Variants in UNKL observed in about 807,000 individuals in gnomAD.
UNKL encodes putative E3 ubiquitin-protein ligase UNKL.
UNKL carries 60 observed loss-of-function variants against 78.0 expected under a neutral mutation model. That is an observed-to-expected ratio of 0.77 (90% confidence interval 0.63 to 0.95). The LOEUF is 0.95. Ranked by LOEUF, UNKL falls within the 40% of genes least tolerant of loss-of-function variation. The probability of loss-of-function intolerance (pLI) is 0.00; values close to 1 mark genes in which losing one functional copy is unlikely to be tolerated. For missense variants in UNKL, 1,159 were observed against 1,045.7 expected, an observed-to-expected ratio of 1.11 and a Z score of -1.49; for synonymous variants, 608 against 474.8, an observed-to-expected ratio of 1.28 and a Z score of -3.65.
chr16:1,398,681 A>AGGCC, intron 5 of UNKL: 16 of 693,660 alleles, frequency 2.3e-5, no homozygotes, highest in Non-Finnish European at 2.9e-5. Context: ...TGGGGTCTGC[A>AGGCC]CCCCCCCACC....
chr16:1,388,068 TC>T (rs1364209555), intron 9 of UNKL, among the ~76,000 whole-genome samples: 1 of 151,924 alleles, frequency 6.6e-6, no homozygotes, highest in Admixed American at 6.5e-5. Context: ...AGAGGCCACC[TC>T]CCATGTAAGG....
intron 9 of UNKL, among the ~76,000 whole-genome samples, chr16:1,386,478 C>T (rs1488282141): frequency 2.0e-5 from 3 of 152,028 alleles, no homozygotes; most frequent in Admixed American, 6.6e-5. Context: ...TGCTTGAATC[C>T]GGGAGGCAGT....
intron 6 of UNKL, chr16:1,395,498 C>T (rs1419424598): frequency 3.1e-6 from 1 of 321,918 alleles, no homozygotes; most frequent in Middle Eastern, 1.2e-3. Context: ...GAGTATGGTC[C>T]CTTGGCAACT....
At chr16:1,375,353 G>A (rs950958958) in intron 10 of UNKL, among the ~76,000 whole-genome samples, 1 of 152,146 alleles carries the variant, frequency 6.6e-6, no homozygotes, top group African/African-American at 2.4e-5. Context: ...GACTCCAGAG[G>A]CCGCAAGGCA....
chr16:1,371,584 T>C lies in UNKL; in HGVS notation c.1292A>G (p.Asn431Ser). 2.0e-6 allele frequency: 3 copies of C among 1,536,172 alleles called. No homozygotes were observed. The highest frequency in any genetic ancestry group is 2.6e-6 in the Non-Finnish European group (3 of 1,146,898). The part of the protein sequence containing the change: ...LGSALDLHLS[N>S]VNIASLEKDL... ...CTTCTCTAGGGATGCAATATTCACA[T>C]TGCTAAGATGCAGGTCTAACGCAGA... Residue 431 changes from asparagine (N) to serine (S), a missense_variant, in exon 11 of 15, where the codon AAT becomes AGT. Physicochemically the swap from Asn to Ser is conservative, Grantham distance 46. Coordinates refer to ENST00000389221, the MANE Select transcript of UNKL (RefSeq NM_001372107.1).
chr16:1,366,910 G>GGCGGCTCCCAGGGAA, intron 14 of UNKL, among the ~76,000 whole-genome samples, 182 bp downstream of exon 14: 1 of 152,292 alleles, frequency 6.6e-6, no homozygotes, highest in African/African-American at 2.4e-5. Context: ...CTCCCAGGGA[G>GGCGGCTCCCAGGGAA]ACAGGCAAGG....
rs375920712 is a variant in UNKL at position 1,414,647 on chromosome 16, G to T, written c.45C>A (p.Ser15=). Residue 15 remains serine (S), a synonymous_variant, in exon 1 of 15, where the codon TCC becomes TCA. Transcript: ENST00000389221. ...GGGTCGGCTTCTCAGTCTGCGGGGG[G>T]GACCCGCTCAGCGCCGCTGCCGCCG... ...SKAAAAALSG[S]PPQTEKPTHY... The T allele has an allele frequency of 1.9e-4, 214 of 1,142,516 alleles. No individual in the cohort carries two copies. In the African/African-American group the frequency reaches 3.1e-3, roughly 17 times the overall value. 70.8% of individuals were successfully genotyped at this position (1,142,516 alleles called of 1,614,324 possible).
intron 9 of UNKL, among the ~76,000 whole-genome samples, chr16:1,390,306 C>G (rs1462165746): frequency 6.6e-6 from 1 of 152,154 alleles, no homozygotes; most frequent in Non-Finnish European, 1.5e-5. Flanking sequence ...TTGGAACGGC[C>G]CCATCTGCAT....
chr16:1,371,601 T>A lies in UNKL; in HGVS notation c.1275A>T (p.Leu425Phe). ...TATTCACATTGCTAAGATGCAGGTC[T>A]AACGCAGAACCTGTCAACAGAGCCC... ...STVEAVLGSALDLHLSNVNIA... is the reference protein window; with the variant it reads ...STVEAVLGSAFDLHLSNVNIA... The change falls in exon 11 of 15, where the codon TTA becomes TTT. Residue 425 changes from leucine (L) to phenylalanine (F), a missense_variant. Transcript: ENST00000389221. The A allele has an allele frequency of 1.3e-6, 2 of 1,536,156 alleles. No homozygotes were observed. The highest frequency in any genetic ancestry group is 1.7e-6 in the Non-Finnish European group (2 of 1,146,890).
intron 2 of UNKL, 127 bp downstream of exon 2, chr16:1,413,719 T>G: frequency 9.3e-7 from 1 of 1,078,786 alleles, no homozygotes; most frequent in Non-Finnish European, 1.3e-6. Context: ...TTTCAGCGTA[T>G]AATTACGACT....
Position 1,403,172 on chromosome 16 carries a change from C to T in UNKL, c.460G>A (p.Val154Ile), listed in dbSNP as rs1308663055. The change falls in exon 3 of 15, where the codon GTC becomes ATC. Residue 154 changes from valine (V) to isoleucine (I), a missense_variant. By Grantham distance (29) the Val-to-Ile change is conservative. Coordinates refer to ENST00000389221, the MANE Select transcript of UNKL (RefSeq NM_001372107.1). The surrounding 1 kb of genome is among the most constrained non-coding windows in gnomAD (Gnocchi z 4.8). Reference protein sequence around the residue: ...PLDLRPPVCDVRELQAQEALQ... With the variant: ...PLDLRPPVCDIRELQAQEALQ... ...CACTCGTGGATGCCCACTCACCTGA[C>T]GTCACACACGGGCGGCCGCAGGTCC... 7 of 1,610,974 alleles carry T rather than the reference C, an allele frequency of 4.3e-6. No individual in the cohort carries two copies. Among genetic ancestry groups the T allele is most frequent in the East Asian group, 2.2e-5 (1 of 44,814 alleles).
rs1183479060 is a variant in UNKL at position 1,399,398 on chromosome 16, C to T, written c.710G>A (p.Arg237His). 3 of 1,600,426 alleles carry T rather than the reference C, an allele frequency of 1.9e-6. No homozygotes were observed. Among genetic ancestry groups the T allele is most frequent in the Admixed American group, 1.7e-5 (1 of 59,168 alleles). Residue 237 changes from arginine (R) to histidine (H), a missense_variant, in exon 5 of 15, where the codon CGC becomes CAC. By Grantham distance (29) the Arg-to-His change is conservative. Coordinates refer to ENST00000389221, the MANE Select transcript of UNKL (RefSeq NM_001372107.1). This position sits in a 1 kb window ranked among gnomAD's most constrained non-coding sequence, Gnocchi z 5.8. ...CCTGTACTGGAACCGCCGGGGGTTG[C>T]GCCGCCTGTCCCGGCTATTGTGGTA... is the stretch of plus-strand genomic sequence containing the variant. ...PHYHNSRDRR[R>H]NPRRFQYRST...
rs1359767156 is a variant in UNKL at position 1,387,978 on chromosome 16, T to C, written c.1087-2593A>G. 6.6e-6 allele frequency among the ~76,000 whole-genome samples: 1 copy of C among 152,116 alleles called. No homozygotes were observed. On this transcript the variant is annotated intron_variant, in intron 9 of 14. Coordinates refer to ENST00000389221, the MANE Select transcript of UNKL (RefSeq NM_001372107.1). This position sits in a 1 kb window ranked among gnomAD's most constrained non-coding sequence, Gnocchi z 4.1. ...ACCGCCCGGGTCACAGTCACCCCTGTGGATGTCCTCTCAGCTCCATGACCC... is the reference window on the plus strand; with the variant it reads ...ACCGCCCGGGTCACAGTCACCCCTGCGGATGTCCTCTCAGCTCCATGACCC...
chr16:1,411,916 A>T (rs774318455), intron 2 of UNKL: 5 of 152,246 alleles, frequency 3.3e-5, no homozygotes, highest in Admixed American at 6.5e-5. Flanking sequence ...ATTTTTTTTA[A>T]TTTATCGCCT....
rs538890777 is a variant in UNKL at position 1,381,800 on chromosome 16, G to A, written c.1264+3408C>T. Among the ~76,000 whole-genome samples the A allele has an allele frequency of 2.0e-4, 30 of 152,256 alleles. 1 individual carries two copies. The highest frequency in any genetic ancestry group is 1.8e-3 in the Admixed American group (27 of 15,288). On this transcript the variant is annotated intron_variant, in intron 10 of 14. Coordinates refer to ENST00000389221, the MANE Select transcript of UNKL (RefSeq NM_001372107.1). ...AAATTAAAACTAGCATGTTCTCACC[G>A]GGCCCGGTGGTGCCTGCCTGTGGTC...
At chr16:1,401,278 G>A (rs1050679901) in intron 4 of UNKL, 15 of 321,500 alleles carry the variant, frequency 4.7e-5, no homozygotes, top group Admixed American at 1.5e-4. Context: ...CACGAGTTCC[G>A]GTGGGAGTTG....
Position 1,394,106 on chromosome 16 carries a change from A to C in UNKL, c.937+25T>G, listed in dbSNP as rs1201589665. 2.6e-6 allele frequency: 4 copies of C among 1,547,684 alleles called. No homozygotes were observed. The South Asian group carries it at 4.8e-5, about 18-fold the overall frequency. On this transcript the variant is annotated intron_variant, in intron 7 of 14. Transcript: ENST00000389221. ...AGAGCCGCGGAACCTGCTAAGGTGA[A>C]CCTGCCACAGGGACGGTTACTCACT...
chr16:1,403,043 G>T lies in UNKL; in HGVS notation c.464+125C>A. 8.3e-7 allele frequency: 1 copy of T among 1,209,286 alleles called. No homozygotes were observed. The highest frequency in any genetic ancestry group is 1.1e-6 in the Non-Finnish European group (1 of 893,296). The allele number at this position is 1,209,286 out of a possible 1,614,324, so 74.9% of individuals were successfully genotyped here. A position where few individuals can be genotyped will look rare whatever the true frequency, so the allele number is the denominator to read the frequency against. On this transcript the variant is annotated intron_variant, in intron 3 of 14. Coordinates refer to ENST00000389221, the MANE Select transcript of UNKL (RefSeq NM_001372107.1). The surrounding 1 kb of genome is among the most constrained non-coding windows in gnomAD (Gnocchi z 4.8). ...CCAGACTCAGAAAGAAATTCTGGAG[G>T]AGAGAGATTTGGGCCAGCAGAGCCT...
intron 8 of UNKL, among the ~76,000 whole-genome samples, chr16:1,392,323 CAGG>C (rs1287891245): frequency 6.6e-6 from 1 of 152,174 alleles, no homozygotes; most frequent in African/African-American, 2.4e-5. Flanking sequence ...CTCTCCACAC[CAGG>C]AGGAGAGACT....
Sources: gnomAD v4.1 joint callset for allele counts (sites outside exome capture counted in the v4.1 genomes callset) on GRCh38, gnomAD v4.1.1 for gene constraint, Gnocchi (gnomAD v3.1) non-coding constraint, MANE v1.5 for transcripts, NCBI Gene and HGNC (gene_info 2026-07-23, HGNC 2026-07-21) for gene names.